Variants in BNIP1 observed in about 807,000 individuals in gnomAD.
The protein encoded by BNIP1 is BCL2 interacting protein 1, also known as vesicle transport protein SEC20.
A neutral mutation model predicts 28.5 loss-of-function variants in BNIP1; 25 were observed. That is an observed-to-expected ratio of 0.88 (90% CI 0.64 to 1.23). The LOEUF is 1.23. BNIP1 is among the 50% of genes most tolerant of loss of function. The pLI, the probability that BNIP1 is intolerant of heterozygous loss-of-function variation, is 0.00. For synonymous variants in BNIP1, 118 were observed against 101.7 expected (o/e 1.16, Z -0.96); for missense variants, 276 against 277.0 (o/e 1.00, Z 0.02).
intron 2 of BNIP1, among the ~76,000 whole-genome samples, chr5:173,153,534 C>G (rs1050997678): frequency 1.3e-5 from 2 of 152,066 alleles, no homozygotes; most frequent in African/African-American, 4.8e-5. Context: ...GCCGAGAACA[C>G]TGTTTATGTT....
At chr5:173,152,920 C>T (rs772104557) in intron 2 of BNIP1, among the ~76,000 whole-genome samples, 2 of 151,912 alleles carry the variant, frequency 1.3e-5, no homozygotes, top group East Asian at 1.9e-4. Flanking sequence ...AGATCAATAG[C>T]GTGATTGAAG....
chr5:173,146,985 AG>A, intron 2 of BNIP1, 27 bp downstream of exon 2: 1 of 1,569,758 alleles, frequency 6.4e-7, no homozygotes, highest in Non-Finnish European at 8.8e-7. Flanking sequence ...CAGTCAATGA[AG>A]GGGGCTCTGT....
intron 2 of BNIP1, among the ~76,000 whole-genome samples, chr5:173,153,979 T>A (rs1171692850): frequency 6.6e-6 from 1 of 152,190 alleles, no homozygotes; most frequent in South Asian, 2.1e-4. Context: ...GGGGGATCAG[T>A]GTGCTTGTAT....
intron 1 of BNIP1, chr5:173,145,124 A>G (rs963527530): frequency 6.4e-6 from 1 of 155,278 alleles, no homozygotes; most frequent in Non-Finnish European, 1.4e-5. Flanking sequence ...CGTAGTTGTG[A>G]TTTTATGCTT....
chr5:173,161,616 C>T (rs1378281955), intron 5 of BNIP1: 4 of 152,148 alleles, frequency 2.6e-5, no homozygotes, highest in South Asian at 4.1e-4. Context: ...AGTTCTTAAC[C>T]CTTTCCTTAT....
At chr5:173,154,744 A>G (rs1443815912) in intron 3 of BNIP1, among the ~76,000 whole-genome samples, 1 of 152,108 alleles carries the variant, frequency 6.6e-6, no homozygotes, top group Non-Finnish European at 1.5e-5. Flanking sequence ...GCTGGTCTCT[A>G]ACACTGGCCT....
intron 2 of BNIP1, among the ~76,000 whole-genome samples, chr5:173,147,988 A>G (rs1213437177): frequency 1.4e-5 from 2 of 141,590 alleles, no homozygotes; most frequent in African/African-American, 2.6e-5. Context: ...GCTTGAACCC[A>G]GGAGGTGCAG....
At chr5:173,157,393 A>G (rs918004599) in intron 3 of BNIP1, among the ~76,000 whole-genome samples, 1 of 151,704 alleles carries the variant, frequency 6.6e-6, no homozygotes, top group Admixed American at 6.6e-5. Flanking sequence ...TAGCTTTTTT[A>G]TAGTCTATCA....
intron 3 of BNIP1, among the ~76,000 whole-genome samples, chr5:173,157,113 G>T (rs191747064): frequency 6.6e-6 from 1 of 152,120 alleles, no homozygotes; most frequent in East Asian, 1.9e-4. Flanking sequence ...GAGAAGTACT[G>T]CCCCTCATTC....
In BNIP1 at chr5:173,164,178, T is replaced by C. The variant is rs941304501; in HGVS notation, c.*257T>C. ...CGCCTCCTTCCACCATTGTGCACTA[T>C]GGGAGGCCGCTGCTGCGTGGAGCAC... is the stretch of plus-strand genomic sequence containing the variant. On this transcript the variant is annotated 3_prime_UTR_variant, in exon 6 of 6. Coordinates refer to ENST00000351486, the MANE Select transcript of BNIP1 (RefSeq NM_001205.3). This position sits in a 1 kb window ranked among gnomAD's most constrained non-coding sequence, Gnocchi z 4.0. 5.9e-6 allele frequency: 2 copies of C among 338,344 alleles called. No homozygotes were observed. The highest frequency in any genetic ancestry group is 4.7e-5 in the Admixed American group (1 of 21,054). The allele number at this position is 338,344 out of a possible 1,614,324, so 21.0% of individuals were successfully genotyped here.
intron 3 of BNIP1, 85 bp downstream of exon 3, chr5:173,154,498 C>A: frequency 1.9e-6 from 2 of 1,045,068 alleles, no homozygotes; most frequent in Non-Finnish European, 2.8e-6. Context: ...CCTGATGGAT[C>A]TGCTTTAATG....
chr5:173,153,276 G>A (rs1760073389), intron 2 of BNIP1, among the ~76,000 whole-genome samples: 2 of 151,232 alleles, frequency 1.3e-5, no homozygotes, highest in East Asian at 1.9e-4. Flanking sequence ...CGCCCAGGCT[G>A]GAGTGCAGTG....
At chr5:173,158,655 G>A in intron 3 of BNIP1, 89 bp from the exon 4 acceptor site, 1 of 1,029,120 alleles carries the variant, frequency 9.7e-7, no homozygotes, top group Non-Finnish European at 1.4e-6. Flanking sequence ...CTTCTCCCGT[G>A]TGCCTTTGTT....
intron 2 of BNIP1, among the ~76,000 whole-genome samples, chr5:173,151,178 A>C (rs1219681781): frequency 3.3e-5 from 5 of 152,022 alleles, no homozygotes; most frequent in African/African-American, 1.2e-4. Flanking sequence ...CGTATATTGG[A>C]AATTTTTCCA....
At chr5:173,150,183 G>A (rs1403966983) in intron 2 of BNIP1, among the ~76,000 whole-genome samples, 1 of 151,904 alleles carries the variant, frequency 6.6e-6, no homozygotes, top group African/African-American at 2.4e-5. Context: ...GCTTGAACCT[G>A]GGAGTTGGAG....
intron 5 of BNIP1, among the ~76,000 whole-genome samples, chr5:173,160,438 T>G (rs1040009760): frequency 6.6e-6 from 1 of 152,148 alleles, no homozygotes; most frequent in Non-Finnish European, 1.5e-5. Context: ...TTCTCCATGT[T>G]GGTCAGGCTG....
chr5:173,163,197 T>A (rs1760411596), intron 5 of BNIP1, among the ~76,000 whole-genome samples: 1 of 152,188 alleles, frequency 6.6e-6, no homozygotes, highest in Admixed American at 6.5e-5. Flanking sequence ...ACAGCCAGTA[T>A]CCCTGGCCTG....
rs1759909448 is a variant in BNIP1, at chr5:173,148,086, ATATATATATAT to A, written c.177+1129_177+1139del. Among the ~76,000 whole-genome samples, 60 of 23,124 alleles carry A rather than the reference ATATATATATAT, an allele frequency of 2.6e-3. 2 individuals are homozygous for A. Among genetic ancestry groups the A allele is most frequent in the East Asian group, 8.8e-3 (4 of 454 alleles). The allele number at this position is 23,124 out of a possible 152,430, so 15.2% of individuals were successfully genotyped here. On this transcript the variant is annotated intron_variant, in intron 2 of 5. Transcript: ENST00000351486. ...TCAAAAAAAAAAAAAAAAAAAAAAT[ATATATATATAT>A]ATATATATATATATATATATATATA... is the stretch of plus-strand genomic sequence containing the variant.
At chr5:173,156,622 C>A (rs1196126654) in intron 3 of BNIP1, among the ~76,000 whole-genome samples, 2 of 150,978 alleles carry the variant, frequency 1.3e-5, no homozygotes, top group Non-Finnish European at 2.9e-5. Context: ...GCCTAGGAGA[C>A]AGAACGAGAC....
Sources: gnomAD v4.1 joint callset for allele counts (sites outside exome capture counted in the v4.1 genomes callset) on GRCh38, gnomAD v4.1.1 for gene constraint, Gnocchi (gnomAD v3.1) non-coding constraint, MANE v1.5 for transcripts, NCBI Gene and HGNC (gene_info 2026-07-23, HGNC 2026-07-21) for gene names.